The following KCNN2 variants were observed in gnomAD, a reference collection of about 807,000 sequenced individuals.
KCNN2 encodes small conductance calcium-activated potassium channel protein 2.
KCNN2 carries 24 observed loss-of-function variants against 55.5 expected under a neutral mutation model. That is an observed-to-expected ratio of 0.43 (90% CI 0.31 to 0.61). The LOEUF is 0.61. Ranked by LOEUF, KCNN2 falls within the 20% of genes least tolerant of loss-of-function variation. The pLI, the probability that KCNN2 is intolerant of heterozygous loss-of-function variation, is 0.08. For missense variants in KCNN2, 754 were observed against 853.6 expected, an observed-to-expected ratio of 0.88 and a Z score of 1.45; for synonymous variants, 431 against 336.1, an observed-to-expected ratio of 1.28 and a Z score of -3.09.
intron 2 of KCNN2, among the ~76,000 whole-genome samples, chr5:114,272,364 CACACACATATGTATGTACATATAT>C (rs1755363068): frequency 2.4e-5 from 3 of 124,600 alleles, no homozygotes; most frequent in South Asian, 5.6e-4. Context: ...ATACCATATA[CACACACATATGTATGTACATATAT>C]ACACACATAT....
At chr5:114,486,950 A>G in intron 5 of KCNN2, 100 bp from the exon 6 acceptor site, 1 of 1,391,976 alleles carries the variant, frequency 7.2e-7, no homozygotes, top group Non-Finnish European at 1.0e-6. Flanking sequence ...ATGAAGCTAC[A>G]GCTCACCATG....
At chr5:114,302,657 T>C (rs1365998548) in intron 2 of KCNN2, among the ~76,000 whole-genome samples, 2 of 152,174 alleles carry the variant, frequency 1.3e-5, no homozygotes, top group Non-Finnish European at 2.9e-5. Flanking sequence ...CTAGGTCTTG[T>C]GATTCTACCC....
intron 1 of KCNN2, among the ~76,000 whole-genome samples, chr5:114,077,258 C>G (rs142786196): frequency 1.2e-4 from 19 of 152,326 alleles, no homozygotes; most frequent in African/African-American, 4.6e-4. Flanking sequence ...TGGAAACTTA[C>G]ACCAGTATCA....
chr5:114,109,584 T>G (rs1206955394), intron 1 of KCNN2, among the ~76,000 whole-genome samples: 1 of 152,044 alleles, frequency 6.6e-6, no homozygotes, highest in Non-Finnish European at 1.5e-5. Flanking sequence ...TGGAGAGTAA[T>G]GACACAACCG....
intron 3 of KCNN2, among the ~76,000 whole-genome samples, chr5:114,443,461 T>G (rs574371508): frequency 6.6e-6 from 1 of 152,348 alleles, no homozygotes; most frequent in South Asian, 2.1e-4. Context: ...GAAAGAACTT[T>G]AGAATCATTA....
chr5:114,180,944 A>G (rs951411237), intron 1 of KCNN2, among the ~76,000 whole-genome samples: 2 of 152,230 alleles, frequency 1.3e-5, no homozygotes, highest in South Asian at 2.1e-4. Context: ...AGATTCAGAC[A>G]TATGTTGTTA....
At chr5:114,195,426 A>C (rs1184992202) in intron 1 of KCNN2, among the ~76,000 whole-genome samples, 1 of 151,850 alleles carries the variant, frequency 6.6e-6, no homozygotes, top group Non-Finnish European at 1.5e-5. Context: ...TGTATACCTA[A>C]ATATTTTACT....
intron 2 of KCNN2, among the ~76,000 whole-genome samples, chr5:114,325,516 G>T (rs1756697374): frequency 6.6e-6 from 1 of 152,214 alleles, no homozygotes; most frequent in Non-Finnish European, 1.5e-5. Flanking sequence ...ACTTGAAAGA[G>T]ATTAAGAGTG....
chr5:114,282,427 C>A (rs1334574658), intron 2 of KCNN2, among the ~76,000 whole-genome samples: 1 of 152,048 alleles, frequency 6.6e-6, no homozygotes, highest in Admixed American at 6.5e-5. Flanking sequence ...TATAATCAAG[C>A]TAGACATTAT....
chr5:114,311,336 TA>T (rs1267714394), intron 2 of KCNN2, among the ~76,000 whole-genome samples: 1 of 152,142 alleles, frequency 6.6e-6, no homozygotes, highest in Non-Finnish European at 1.5e-5. Flanking sequence ...TTCTGGAAAT[TA>T]AAGTGATTCT....
chr5:114,338,056 G>A (rs1304770199), intron 2 of KCNN2, among the ~76,000 whole-genome samples: 6 of 152,176 alleles, frequency 3.9e-5, no homozygotes, highest in Admixed American at 3.3e-4. Context: ...AACCAGCTAT[G>A]CACTTTGAGT....
At chr5:114,342,958 GTCT>G (rs1218894238) in intron 2 of KCNN2, among the ~76,000 whole-genome samples, 1 of 152,140 alleles carries the variant, frequency 6.6e-6, no homozygotes, top group East Asian at 1.9e-4. Flanking sequence ...CGTCAGCCAG[GTCT>G]TAAGCCCAGC....
chr5:114,430,351 CTAT>C (rs1759753433), intron 3 of KCNN2, among the ~76,000 whole-genome samples: 3 of 152,110 alleles, frequency 2.0e-5, no homozygotes, highest in Admixed American at 2.0e-4. Flanking sequence ...AGATGTACAA[CTAT>C]TATTCATTTA....
chr5:114,300,958 G>C (rs916337521), intron 2 of KCNN2, among the ~76,000 whole-genome samples: 16 of 152,224 alleles, frequency 1.1e-4, no homozygotes, highest in African/African-American at 3.6e-4. Context: ...TTAGATCATG[G>C]TGTAAAAATA....
Position 114,362,766 on chromosome 5 carries a change from C to G in KCNN2, c.627C>G (p.Thr209=), listed in dbSNP as rs551736281. 4 of 1,572,098 alleles carry G rather than the reference C, an allele frequency of 2.5e-6. No homozygotes were observed. Among genetic ancestry groups the G allele is most frequent in the Admixed American group, 1.8e-5 (1 of 56,836 alleles). ...PQARRESNPF[T]EIAMSSCRYN... is the part of the protein sequence containing the mutation. ...CGCGCCGCGAGAGCAACCCCTTCAC[C>G]GAAATAGCCATGAGCAGCTGCAGGT... Residue 209 remains threonine, a synonymous_variant, in exon 1 of 8, where the codon ACC becomes ACG. Transcript: ENST00000673685.
At chr5:114,358,697 C>G (rs1757345973), upstream of KCNN2, among the ~76,000 whole-genome samples, 1 of 152,000 alleles carries the variant, frequency 6.6e-6, no homozygotes, top group Non-Finnish European at 1.5e-5. Flanking sequence ...CTCTCCTTCT[C>G]TCTGTACTCA....
intron 1 of KCNN2, among the ~76,000 whole-genome samples, chr5:114,117,971 C>A (rs182594644): frequency 1.3e-5 from 2 of 152,108 alleles, no homozygotes; most frequent in Non-Finnish European, 2.9e-5. Flanking sequence ...TCACAAAGTT[C>A]ATAAGGGGCA....
intron 2 of KCNN2, among the ~76,000 whole-genome samples, chr5:114,366,146 A>T (rs1272821417): frequency 6.6e-6 from 1 of 152,158 alleles, no homozygotes; most frequent in Non-Finnish European, 1.5e-5. Context: ...CATTCCACTC[A>T]TTGGCTAATT....
chr5:114,100,273 A>G (rs1325923184), intron 1 of KCNN2, among the ~76,000 whole-genome samples: 1 of 152,280 alleles, frequency 6.6e-6, no homozygotes, highest in African/African-American at 2.4e-5. Context: ...GAAGAAAAAA[A>G]TAGTAGTCCA....
Sources: allele counts gnomAD v4.1 joint callset (sites outside exome capture counted in the v4.1 genomes callset), GRCh38; gene constraint gnomAD v4.1.1; transcripts MANE v1.5; gene names NCBI Gene and HGNC (gene_info 2026-07-23, HGNC 2026-07-21).